PTPRZ1: variants seen among roughly 807,000 people sequenced by gnomAD.
PTPRZ1 encodes protein tyrosine phosphatase receptor type Z1, also known as receptor-type tyrosine-protein phosphatase zeta.
In PTPRZ1, 82 loss-of-function variants were observed where a neutral mutation model predicts 214.1. The observed-to-expected ratio is 0.38, with a 90% CI of 0.32 to 0.46. PTPRZ1 has a LOEUF of 0.46. PTPRZ1 is among the 20% of genes least tolerant of loss of function. PTPRZ1 has a pLI of 1.00. For missense variants in PTPRZ1, 2,603 were observed against 2,748.7 expected, an observed-to-expected ratio of 0.95 and a Z score of 1.19; for synonymous variants, 945 against 987.9, an observed-to-expected ratio of 0.96 and a Z score of 0.81.
intron 1 of PTPRZ1, among the ~76,000 whole-genome samples, chr7:121,873,764 C>A (rs1033725834): frequency 2.0e-5 from 3 of 152,162 alleles, no homozygotes; most frequent in African/African-American, 7.2e-5. Flanking sequence ...CCCGCGCCCT[C>A]GCCCCTTCCA....
intron 13 of PTPRZ1, among the ~76,000 whole-genome samples, chr7:122,022,635 T>C (rs554910179): frequency 6.4e-4 from 97 of 152,340 alleles, no homozygotes; most frequent in African/African-American, 2.0e-3. Context: ...TGATGGTATC[T>C]TTTTTAAAGT....
At chr7:121,921,041 A>C (rs1182899947) in intron 1 of PTPRZ1, among the ~76,000 whole-genome samples, 2 of 152,134 alleles carry the variant, frequency 1.3e-5, no homozygotes, top group African/African-American at 2.4e-5. Flanking sequence ...GCATAGGATT[A>C]CAAGTGATTT....
intron 2 of PTPRZ1, among the ~76,000 whole-genome samples, chr7:121,965,461 G>T (rs897290646): frequency 1.3e-5 from 2 of 152,118 alleles, no homozygotes; most frequent in African/African-American, 4.8e-5. Context: ...GCAGGTCTCA[G>T]TTCTTAGCCA....
chr7:122,041,321 C>A (rs1264729057), intron 21 of PTPRZ1, among the ~76,000 whole-genome samples: 1 of 147,972 alleles, frequency 6.8e-6, no homozygotes, highest in Non-Finnish European at 1.5e-5. Flanking sequence ...GATAAAAATG[C>A]TTGAGCTACA....
chr7:121,887,735 T>C (rs1020416927), intron 1 of PTPRZ1, among the ~76,000 whole-genome samples: 1 of 152,120 alleles, frequency 6.6e-6, no homozygotes, highest in Non-Finnish European at 1.5e-5. Context: ...TAAGTAGCGG[T>C]GGGAGAATCT....
intron 8 of PTPRZ1, among the ~76,000 whole-genome samples, chr7:121,986,404 A>G (rs1241842804): frequency 6.6e-6 from 1 of 152,234 alleles, no homozygotes; most frequent in Non-Finnish European, 1.5e-5. Context: ...TTCTGCTTAC[A>G]TAAAAAACTG....
chr7:121,895,968 A>T (rs1050260848), intron 1 of PTPRZ1, among the ~76,000 whole-genome samples: 1 of 152,162 alleles, frequency 6.6e-6, no homozygotes, highest in African/African-American at 2.4e-5. Context: ...AAGTGTTACC[A>T]GGCTCCCTAG....
At chr7:121,890,744 A>G (rs971164942) in intron 1 of PTPRZ1, among the ~76,000 whole-genome samples, 50 of 152,212 alleles carry the variant, frequency 3.3e-4, no homozygotes, top group African/African-American at 1.1e-3. Flanking sequence ...ATCAGAGCTC[A>G]CTGTAGCCCT....
chr7:121,968,222 T>A, intron 3 of PTPRZ1, 92 bp downstream of exon 3: 1 of 1,100,102 alleles, frequency 9.1e-7, no homozygotes, highest in Non-Finnish European at 1.3e-6. Flanking sequence ...TTGAATAGTG[T>A]ACTATGAACT....
intron 2 of PTPRZ1, among the ~76,000 whole-genome samples, chr7:121,931,563 G>T (rs954492523): frequency 6.6e-6 from 1 of 152,124 alleles, no homozygotes; most frequent in African/African-American, 2.4e-5. Flanking sequence ...AGTGATGGTG[G>T]TGTGTGTTTC....
intron 8 of PTPRZ1, among the ~76,000 whole-genome samples, chr7:121,989,283 C>T (rs1380518573): frequency 1.3e-5 from 2 of 151,984 alleles, no homozygotes; most frequent in Non-Finnish European, 2.9e-5. Context: ...TCTTCACAAA[C>T]TAGGACTTGC....
At chr7:122,014,308 A>C (rs984729737) in intron 12 of PTPRZ1, among the ~76,000 whole-genome samples, 1 of 152,082 alleles carries the variant, frequency 6.6e-6, no homozygotes, top group African/African-American at 2.4e-5. Context: ...ATTTAATTAT[A>C]AAATGAATTA....
rs762996658 is a variant in PTPRZ1 at position 121,967,954 on chromosome 7, C to A, written c.128C>A (p.Ala43Glu). The A allele has an allele frequency of 6.8e-5, 106 of 1,561,830 alleles. No homozygotes were observed. Among genetic ancestry groups the A allele is most frequent in the Non-Finnish European group, 8.8e-5 (101 of 1,142,142 alleles). Reference sequence around the variant, plus strand: ...TCTTACTCCTTCTTTTCCCTAGGAGCACTGAATCAAAAAAATTGGGGAAAG... The same window carrying A: ...TCTTACTCCTTCTTTTCCCTAGGAGAACTGAATCAAAAAAATTGGGGAAAG... ...VEEIGWSYTG[A>E]LNQKNWGKKY... is the part of the protein sequence containing the mutation. The change falls in exon 3 of 30, where the codon GCA (alanine) becomes GAA (glutamate). Residue 43 changes from alanine to glutamate, a missense_variant. Physicochemically the swap from Ala to Glu is moderately radical, Grantham distance 107. Around this residue, in one of 6 missense-constraint regions of PTPRZ1, gnomAD observed 141 missense variants for 143.7 expected, o/e 0.98. Coordinates refer to ENST00000393386, the MANE Select transcript of PTPRZ1 (RefSeq NM_002851.3).
chr7:122,040,696 C>T, intron 20 of PTPRZ1, 120 bp from the exon 21 acceptor site: 1 of 698,136 alleles, frequency 1.4e-6, no homozygotes, highest in Non-Finnish European at 2.1e-6. Flanking sequence ...AACATCAAAT[C>T]AAGCTATGAT....
chr7:121,966,027 G>A (rs1367135187), intron 2 of PTPRZ1, among the ~76,000 whole-genome samples: 1 of 152,140 alleles, frequency 6.6e-6, no homozygotes, highest in Non-Finnish European at 1.5e-5. Context: ...GGTGGTAATA[G>A]TAGAGATAAG....
At chr7:121,908,917 T>A (rs753846925) in intron 1 of PTPRZ1, 1 of 516,912 alleles carries the variant, frequency 1.9e-6, no homozygotes, top group Admixed American at 1.9e-5. Flanking sequence ...TGCCTGAATA[T>A]CTCATGGGAA....
Position 121,873,263 on chromosome 7 carries a change from C to G in PTPRZ1, c.-237C>G, listed in dbSNP as rs73434994. The G allele has an allele frequency of 0.05, 23,250 of 466,516 alleles. 2,891 individuals are homozygous for G. The highest frequency in any genetic ancestry group is 0.33 in the African/African-American group (16,341 of 49,840). The allele number at this position is 466,516 out of a possible 1,614,324, so 28.9% of individuals were successfully genotyped here. ...GGCCCCACCACCGTGCGGCTTTCTC[C>G]AGATTATTCCTCTCTCGCTGTCTCT... On this transcript the variant is annotated 5_prime_UTR_variant, in exon 1 of 30. Coordinates refer to ENST00000393386, the MANE Select transcript of PTPRZ1 (RefSeq NM_002851.3).
In PTPRZ1 at chr7:122,028,589, A is replaced by G. The variant is rs894508415; in HGVS notation, c.5026A>G (p.Ser1676Gly). 1.7e-5 allele frequency: 26 copies of G among 1,549,412 alleles called. No homozygotes were observed. The highest frequency in any genetic ancestry group is 2.3e-5 in the Non-Finnish European group (26 of 1,121,458). Reference sequence around the variant, plus strand: ...GACTGCACACTTTTACTTAGAGGACAGTACATCCCCTAGAGTTATATCCAC... The same window carrying G: ...GACTGCACACTTTTACTTAGAGGACGGTACATCCCCTAGAGTTATATCCAC... ...FQTAHFYLED[S>G]TSPRVISTPP... The change falls in exon 14 of 30, where the codon AGT (serine) becomes GGT (glycine). Residue 1676 changes from serine (S) to glycine (G), a missense_variant. By Grantham distance (56) the Ser-to-Gly change is moderately conservative (BLOSUM62 0). Around this residue, in one of 6 missense-constraint regions of PTPRZ1, gnomAD observed 1,913 missense variants for 1,914.3 expected, o/e 1.00. Coordinates refer to ENST00000393386, the MANE Select transcript of PTPRZ1 (RefSeq NM_002851.3).
intron 3 of PTPRZ1, 56 bp downstream of exon 3, chr7:121,968,186 T>C: frequency 1.4e-6 from 2 of 1,429,050 alleles, no homozygotes; most frequent in Non-Finnish European, 1.9e-6. Context: ...TGGAGTATGT[T>C]TAGACTAGTT....
Sources: gnomAD v4.1 joint callset for allele counts (sites outside exome capture counted in the v4.1 genomes callset) on GRCh38, gnomAD v4.1.1 for gene constraint, gnomAD v4.1.1 regional missense constraint, MANE v1.5 for transcripts, NCBI Gene and HGNC (gene_info 2026-07-23, HGNC 2026-07-21) for gene names.